Variants in PRKAG2 observed in about 807,000 individuals in gnomAD.
PRKAG2 encodes 5'-AMP-activated protein kinase subunit gamma-2.
Under a neutral mutation model 69.6 loss-of-function variants are expected in PRKAG2, and 26 were observed. The observed-to-expected ratio is 0.37, with a 90% CI of 0.27 to 0.52. The LOEUF (loss-of-function observed/expected upper bound fraction) is 0.52, where lower values mean the gene tolerates loss of function less well. PRKAG2 is among the 20% of genes least tolerant of loss of function. The pLI is 0.90. For synonymous variants in PRKAG2, 293 were observed against 285.0 expected (o/e 1.03, Z -0.28); for missense variants, 557 against 740.0 (o/e 0.75, Z 2.87).
intron 1 of PRKAG2, among the ~76,000 whole-genome samples, chr7:151,800,865 A>T (rs1335302655): frequency 6.6e-6 from 1 of 152,190 alleles, no homozygotes; most frequent in Non-Finnish European, 1.5e-5. Flanking sequence ...TATCAACAGA[A>T]GCTCAATGGT....
chr7:151,833,683 A>C (rs1464972855), intron 1 of PRKAG2, among the ~76,000 whole-genome samples: 1 of 152,196 alleles, frequency 6.6e-6, no homozygotes, highest in Admixed American at 6.5e-5. Flanking sequence ...GGTGGGGGAT[A>C]GTTTGGAGAA....
At chr7:151,578,457 C>T (rs892314260) in intron 6 of PRKAG2, among the ~76,000 whole-genome samples, 1 of 152,148 alleles carries the variant, frequency 6.6e-6, no homozygotes, top group Non-Finnish European at 1.5e-5. Context: ...TAACTTAGTA[C>T]CTATTTCTTC....
chr7:151,811,266 A>T (rs2151853109), intron 1 of PRKAG2, among the ~76,000 whole-genome samples: 1 of 152,322 alleles, frequency 6.6e-6, no homozygotes, highest in Admixed American at 6.5e-5. Context: ...TTTATGAAGC[A>T]TCTATTATGT....
chr7:151,751,508 T>TTTAC (rs1487294754), intron 3 of PRKAG2, among the ~76,000 whole-genome samples: 1 of 151,436 alleles, frequency 6.6e-6, no homozygotes, highest in African/African-American at 2.4e-5. Context: ...TTATTATTTA[T>TTTAC]TTATTTATTT....
At chr7:151,559,547 T>C in intron 15 of PRKAG2, 1 of 983,940 alleles carries the variant, frequency 1.0e-6, no homozygotes. Flanking sequence ...CTCGGAAAAA[T>C]CACTGCTGTA....
In PRKAG2 at chr7:151,618,562, T is replaced by C. The variant is rs534581843; in HGVS notation, c.754+13507A>G. Among the ~76,000 whole-genome samples the C allele has an allele frequency of 2.6e-5, 4 of 151,044 alleles. No individual in the cohort carries two copies. The East Asian group carries it at 5.9e-4, about 22-fold the overall frequency. On this transcript the variant is annotated intron_variant, in intron 5 of 15. Transcript: ENST00000287878. ...GGTGGGTCATTTGAGGTCGGGAGTTTGAAACCAGCCTGGTCAACATGGTGA... is the reference window on the plus strand; with the variant it reads ...GGTGGGTCATTTGAGGTCGGGAGTTCGAAACCAGCCTGGTCAACATGGTGA...
At chr7:151,633,791 A>G (rs565183506) in intron 4 of PRKAG2, among the ~76,000 whole-genome samples, 1 of 152,194 alleles carries the variant, frequency 6.6e-6, no homozygotes, top group African/African-American at 2.4e-5. Flanking sequence ...AAGCCCCAAC[A>G]TAGTAAAAAT....
At chr7:151,810,281 T>C (rs375754598) in intron 1 of PRKAG2, 3 of 152,206 alleles carry the variant, frequency 2.0e-5, no homozygotes, top group South Asian at 2.1e-4. Flanking sequence ...AAGAACGTCT[T>C]CATCTAAGGT....
rs144073285 is a variant in PRKAG2 at position 151,763,339 on chromosome 7, G to A, written c.466+17813C>T. ...CATCCCGGCACAGAGTCGAGCACAC[G>A]GGTTGCTCTTGATGTCTTGGGTGGG... is the stretch of plus-strand genomic sequence containing the variant. On this transcript the variant is annotated intron_variant, in intron 3 of 15. Coordinates refer to ENST00000287878, the MANE Select transcript of PRKAG2 (RefSeq NM_016203.4). Among the ~76,000 whole-genome samples the A allele has an allele frequency of 1.8e-3, 271 of 152,326 alleles. 1 individual carries two copies. The highest frequency in any genetic ancestry group is 6.3e-3 in the African/African-American group (263 of 41,576).
intron 5 of PRKAG2, among the ~76,000 whole-genome samples, chr7:151,629,968 G>T (rs1186542132): frequency 6.6e-6 from 1 of 152,134 alleles, no homozygotes; most frequent in Non-Finnish European, 1.5e-5. Context: ...GCAATTTAAA[G>T]TTCAAAAGAA....
chr7:151,726,120 T>C (rs1797903817), intron 3 of PRKAG2, among the ~76,000 whole-genome samples: 2 of 152,078 alleles, frequency 1.3e-5, no homozygotes, highest in South Asian at 4.2e-4. Flanking sequence ...TGGTGTGTCC[T>C]TCACAGGCAG....
In PRKAG2 at chr7:151,675,743, G is replaced by A. The variant is rs563645409; in HGVS notation, c.467-106C>T. The A allele has an allele frequency of 1.3e-5, 15 of 1,133,994 alleles. No homozygotes were observed. In the Admixed American group the frequency reaches 2.2e-4, roughly 16 times the overall value. The allele number at this position is 1,133,994 out of a possible 1,614,324, so 70.2% of individuals were successfully genotyped here. ...GGAAGGGAGATGGGGAGAGGTCAGA[G>A]GTCCGGCCTCCAGGAAGGGACGTCG... On this transcript the variant is annotated intron_variant, in intron 3 of 15. Coordinates refer to ENST00000287878, the MANE Select transcript of PRKAG2 (RefSeq NM_016203.4).
intron 1 of PRKAG2, among the ~76,000 whole-genome samples, chr7:151,832,976 T>C (rs1312824727): frequency 6.6e-6 from 1 of 151,944 alleles, no homozygotes; most frequent in Non-Finnish European, 1.5e-5. Context: ...TTGGAGGAGG[T>C]GGGCAGATCA....
At chr7:151,578,839 A>C (rs368428429) in intron 6 of PRKAG2, among the ~76,000 whole-genome samples, 2 of 152,272 alleles carry the variant, frequency 1.3e-5, no homozygotes, top group East Asian at 3.9e-4. Context: ...ATGGTTTGCT[A>C]TTTGTACCCT....
chr7:151,557,887 A>G (rs530719121), intron 15 of PRKAG2: 7 of 976,970 alleles, frequency 7.2e-6, no homozygotes, highest in South Asian at 4.7e-5. Flanking sequence ...AAAAAAAAAA[A>G]AAACAAAAAA....
chr7:151,619,279 C>T (rs909597374), intron 5 of PRKAG2, among the ~76,000 whole-genome samples: 6 of 152,330 alleles, frequency 3.9e-5, no homozygotes, highest in African/African-American at 1.4e-4. Context: ...CCAAGGAGAG[C>T]TCACAGGGAT....
chr7:151,751,606 A>C (rs1282795378), intron 3 of PRKAG2, among the ~76,000 whole-genome samples: 3 of 151,874 alleles, frequency 2.0e-5, no homozygotes, highest in Admixed American at 6.6e-5. Context: ...CCTGGGCTCA[A>C]GTGATCATCC....
chr7:151,671,959 T>C (rs1311072355), intron 4 of PRKAG2, among the ~76,000 whole-genome samples: 1 of 152,224 alleles, frequency 6.6e-6, no homozygotes, highest in Non-Finnish European at 1.5e-5. Flanking sequence ...AATTGGAGTC[T>C]TGACCAGATC....
intron 15 of PRKAG2, chr7:151,557,462 T>C: frequency 1.0e-6 from 1 of 985,176 alleles, no homozygotes; most frequent in Non-Finnish European, 1.2e-6. Flanking sequence ...AGATTTAACT[T>C]GGAAAACAAA....
Sources: allele counts gnomAD v4.1 joint callset (sites outside exome capture counted in the v4.1 genomes callset), GRCh38; gene constraint gnomAD v4.1.1; transcripts MANE v1.5; gene names NCBI Gene and HGNC (gene_info 2026-07-23, HGNC 2026-07-21).